The following ZCCHC4 variants were observed in gnomAD, a reference collection of about 807,000 sequenced individuals.
The protein encoded by ZCCHC4 is zinc finger CCHC-type containing 4.
A neutral mutation model predicts 67.7 loss-of-function variants in ZCCHC4; 54 were observed. That is an observed-to-expected ratio of 0.80 (90% CI 0.64 to 1.00). The LOEUF (loss-of-function observed/expected upper bound fraction) is 1.00, where lower values mean the gene tolerates loss of function less well. Ranked by LOEUF, ZCCHC4 falls within the 50% of genes least tolerant of loss-of-function variation. ZCCHC4 has a pLI of 0.00. For missense variants in ZCCHC4, 609 were observed against 617.0 expected (o/e 0.99, Z 0.14); for synonymous variants, 198 against 213.5 (o/e 0.93, Z 0.63).
chr4:25,360,722 A>C (rs1720696460), intron 8 of ZCCHC4, among the ~76,000 whole-genome samples: 1 of 152,172 alleles, frequency 6.6e-6, no homozygotes, highest in Non-Finnish European at 1.5e-5. Context: ...CTAATGCAAG[A>C]TAAGGCCATG....
chr4:25,358,858 C>T (rs2109089522), intron 8 of ZCCHC4, among the ~76,000 whole-genome samples: 1 of 152,346 alleles, frequency 6.6e-6, no homozygotes, highest in Non-Finnish European at 1.5e-5. Context: ...CCTAGGTTGG[C>T]TCATGCCCGG....
chr4:25,323,854 T>C (rs895326705), intron 3 of ZCCHC4, among the ~76,000 whole-genome samples: 57 of 152,216 alleles, frequency 3.7e-4, no homozygotes, highest in African/African-American at 1.3e-3. Context: ...TTAATGAACA[T>C]ACTATTACCT....
chr4:25,360,005 A>G (rs1403053628), intron 8 of ZCCHC4, among the ~76,000 whole-genome samples: 8 of 152,228 alleles, frequency 5.3e-5, no homozygotes, highest in South Asian at 4.1e-4. Context: ...TGTGCCGTCT[A>G]TCACGGACTT....
Position 25,347,129 on chromosome 4 carries a change from A to G in ZCCHC4, c.759+1509A>G, listed in dbSNP as rs150384652. Among the ~76,000 whole-genome samples the G allele has an allele frequency of 3.4e-3, 511 of 152,328 alleles. 3 individuals are homozygous for G. Among genetic ancestry groups the G allele is most frequent in the Non-Finnish European group, 5.9e-3 (403 of 68,022 alleles). On this transcript the variant is annotated intron_variant, in intron 6 of 12. Coordinates refer to ENST00000302874, the MANE Select transcript of ZCCHC4 (RefSeq NM_024936.3). Reference sequence around the variant, plus strand: ...GGTGGAGTCAGGGCTGTGTCGTAGTAAATGAGGAAGTAATCGAGTTTGAAT... The same window carrying G: ...GGTGGAGTCAGGGCTGTGTCGTAGTGAATGAGGAAGTAATCGAGTTTGAAT...
At chr4:25,357,191 A>G (rs1378335413) in intron 8 of ZCCHC4, among the ~76,000 whole-genome samples, 1 of 152,246 alleles carries the variant, frequency 6.6e-6, no homozygotes, top group Non-Finnish European at 1.5e-5. Flanking sequence ...CTTCAGTTAT[A>G]GAATAGCTAT....
intron 10 of ZCCHC4, among the ~76,000 whole-genome samples, chr4:25,363,210 C>T (rs1720821689): frequency 6.6e-6 from 1 of 152,190 alleles, no homozygotes. Flanking sequence ...CTACTACTAT[C>T]TTTTTACTGT....
chr4:25,317,007 G>A, intron 3 of ZCCHC4, among the ~76,000 whole-genome samples: 1 of 152,192 alleles, frequency 6.6e-6, no homozygotes. Flanking sequence ...GGGTGGATTA[G>A]AGTTGAGTCA....
intron 8 of ZCCHC4, among the ~76,000 whole-genome samples, chr4:25,356,610 A>G (rs531585710): frequency 4.9e-4 from 75 of 151,736 alleles, no homozygotes; most frequent in Non-Finnish European, 7.5e-4. Context: ...AGAATATTCC[A>G]TGTACTAGAA....
At chr4:25,330,115 C>T (rs984675656) in intron 3 of ZCCHC4, among the ~76,000 whole-genome samples, 5 of 152,062 alleles carry the variant, frequency 3.3e-5, no homozygotes, top group Admixed American at 3.3e-4. Context: ...CTTGGCCTCC[C>T]AAGTAGCTGG....
intron 8 of ZCCHC4, among the ~76,000 whole-genome samples, chr4:25,356,446 C>T (rs1034155819): frequency 1.3e-5 from 2 of 152,064 alleles, no homozygotes; most frequent in East Asian, 1.9e-4. Context: ...ACAACAAACC[C>T]GCATTTAAAA....
intron 5 of ZCCHC4, among the ~76,000 whole-genome samples, chr4:25,340,466 G>A (rs1464645163): frequency 1.3e-5 from 2 of 151,926 alleles, no homozygotes; most frequent in Admixed American, 6.6e-5. Context: ...AGATTGTTTT[G>A]GCTGTTCTGG....
intron 12 of ZCCHC4, 49 bp downstream of exon 12, chr4:25,365,215 C>T: frequency 3.1e-6 from 5 of 1,597,736 alleles, no homozygotes; most frequent in Non-Finnish European, 4.3e-6. Flanking sequence ...GTGTTTTATA[C>T]AGGATAATCC....
At chr4:25,319,190 T>C (rs1450473451) in intron 3 of ZCCHC4, among the ~76,000 whole-genome samples, 2 of 152,086 alleles carry the variant, frequency 1.3e-5, no homozygotes, top group Non-Finnish European at 2.9e-5. Context: ...GAGACCATCC[T>C]GGCTAACATG....
At chr4:25,360,597 TG>T (rs1354377224) in intron 8 of ZCCHC4, among the ~76,000 whole-genome samples, 2 of 152,218 alleles carry the variant, frequency 1.3e-5, no homozygotes, top group African/African-American at 4.8e-5. Flanking sequence ...TCCCCCAAAC[TG>T]GGACAGTGCA....
Position 25,349,545 on chromosome 4 carries a change from C to A in ZCCHC4, c.813C>A (p.Ile271=). 1 of 1,614,024 alleles carries A rather than the reference C, an allele frequency of 6.2e-7. No individual in the cohort carries two copies. Among genetic ancestry groups the A allele is most frequent in the Non-Finnish European group, 8.5e-7 (1 of 1,179,904 alleles). ...TACAGGAAGATAAAGGCGAAGGAAT[C>A]ATTATGGTGACGGATCCTCCGTTTG... is the stretch of plus-strand genomic sequence containing the variant. ...AFLQEDKGEG[I]IMVTDPPFGG... The change falls in exon 7 of 13, where the codon ATC becomes ATA. Residue 271 remains isoleucine, a synonymous_variant. Transcript: ENST00000302874.
intron 8 of ZCCHC4, among the ~76,000 whole-genome samples, chr4:25,355,972 CTTAT>C (rs1720500862): frequency 1.3e-5 from 2 of 152,168 alleles, no homozygotes; most frequent in Non-Finnish European, 2.9e-5. Context: ...AGTACTCTGT[CTTAT>C]TTAATCTTTC....
At chr4:25,337,605 G>T (rs781418399) in intron 5 of ZCCHC4, among the ~76,000 whole-genome samples, 17 of 152,146 alleles carry the variant, frequency 1.1e-4, no homozygotes, top group Non-Finnish European at 1.9e-4. Context: ...CACAGAGTTG[G>T]TTCTCCACAG....
intron 3 of ZCCHC4, among the ~76,000 whole-genome samples, chr4:25,321,249 CCTTTCTTTT>C (rs1268993492): frequency 1.3e-5 from 2 of 151,094 alleles, no homozygotes; most frequent in Non-Finnish European, 2.9e-5. Context: ...TCTCTTCTTT[CCTTTCTTTT>C]CTTTCTTTTT....
At chr4:25,317,045 A>T (rs1425929759) in intron 3 of ZCCHC4, among the ~76,000 whole-genome samples, 1 of 152,212 alleles carries the variant, frequency 6.6e-6, no homozygotes, top group East Asian at 1.9e-4. Context: ...CAAACTTGTG[A>T]AAAGAATTTA....
Sources: gnomAD v4.1 joint callset for allele counts (sites outside exome capture counted in the v4.1 genomes callset) on GRCh38, gnomAD v4.1.1 for gene constraint, MANE v1.5 for transcripts, NCBI Gene and HGNC (gene_info 2026-07-23, HGNC 2026-07-21) for gene names.